UXS1: variants seen among roughly 807,000 people sequenced by gnomAD.
UXS1 encodes UDP-glucuronate decarboxylase 1, also known as UDP-glucuronic acid decarboxylase 1.
UXS1 carries 33 observed loss-of-function variants against 62.6 expected under a neutral mutation model. The ratio of observed to expected loss-of-function variants is 0.53; its 90% confidence interval spans 0.40 to 0.70. UXS1 has a LOEUF of 0.70. Ranked by LOEUF, UXS1 falls within the 30% of genes least tolerant of loss-of-function variation. UXS1 has a pLI of 0.00. For missense variants in UXS1, 434 were observed against 556.3 expected (o/e 0.78, Z 2.21); for synonymous variants, 213 against 206.8 (o/e 1.03, Z -0.26).
intron 1 of UXS1, among the ~76,000 whole-genome samples, chr2:106,188,034 G>A (rs575331769): frequency 2.8e-4 from 42 of 152,314 alleles, no homozygotes; most frequent in Non-Finnish European, 5.7e-4. Flanking sequence ...GAGCCACCGC[G>A]ACCAGCCTTA....
chr2:106,180,351 T>G (rs11681546), intron 1 of UXS1, among the ~76,000 whole-genome samples: 6,635 of 152,230 alleles, frequency 0.044, 172 homozygotes, highest in South Asian at 0.077. Flanking sequence ...CAGAAAGATA[T>G]GTAAAATATC....
At position 106,166,103 on chromosome 2, in the gene UXS1, G is replaced by C. The variant is rs756975028; in HGVS notation, c.95-20C>G. On this transcript the variant is annotated intron_variant, in intron 1 of 14. Transcript: ENST00000283148. The stretch of plus-strand genomic sequence containing the variant: ...AAACAGCTGTAAGAGAAAGAAAAAA[G>C]GAAGTCAATGTTTAAGTCCACAACT... The C allele has an allele frequency of 5.0e-6, 8 of 1,607,964 alleles. No individual in the cohort carries two copies. Among genetic ancestry groups the C allele is most frequent in the Non-Finnish European group, 6.8e-6 (8 of 1,177,518 alleles).
At chr2:106,096,631 T>C (rs1677133033) in intron 14 of UXS1, 87 bp downstream of exon 14, 2 of 1,278,086 alleles carry the variant, frequency 1.6e-6, no homozygotes, top group Non-Finnish European at 2.1e-6. Context: ...CCGGGGGCTG[T>C]CTGACAAGGG....
intron 5 of UXS1, among the ~76,000 whole-genome samples, chr2:106,146,718 T>C (rs1284111222): frequency 7.4e-6 from 1 of 135,110 alleles, no homozygotes; most frequent in Non-Finnish European, 1.5e-5. Flanking sequence ...AGGCGGAAGT[T>C]GCAGTGGATC....
chr2:106,165,038 C>T (rs987784991), intron 2 of UXS1, among the ~76,000 whole-genome samples: 27 of 152,172 alleles, frequency 1.8e-4, no homozygotes, highest in African/African-American at 6.5e-4. Context: ...TTCCACTAAA[C>T]TAAAATAATC....
intron 10 of UXS1, among the ~76,000 whole-genome samples, chr2:106,105,128 G>A (rs1677949906): frequency 6.6e-6 from 1 of 152,146 alleles, no homozygotes; most frequent in Admixed American, 6.5e-5. Flanking sequence ...GATGTGTCAG[G>A]CATCATGTGA....
intron 1 of UXS1, among the ~76,000 whole-genome samples, chr2:106,190,743 C>CAGA (rs376229533): frequency 8.0e-6 from 1 of 124,888 alleles, no homozygotes; most frequent in Non-Finnish European, 1.6e-5. Context: ...AACTCTGTAT[C>CAGA]AAAAAAAAAA....
intron 14 of UXS1, among the ~76,000 whole-genome samples, chr2:106,096,302 G>A (rs561789744): frequency 5.9e-5 from 9 of 152,084 alleles, no homozygotes; most frequent in African/African-American, 2.2e-4. Flanking sequence ...TAGTGTGAAT[G>A]TATATGTATG....
rs1409135510 is a variant in UXS1 at position 106,098,660 on chromosome 2, T to TA, written c.1042+55dup. On this transcript the variant is annotated intron_variant, in intron 13 of 14. Coordinates refer to ENST00000283148, the MANE Select transcript of UXS1 (RefSeq NM_001253875.2). ...ACCCACTTTCTAGTCAAGGTGTTAT[T>TA]AACAGATAGGGCAGGCACAGTCGAT... 1.5e-4 allele frequency: 219 copies of TA among 1,461,508 alleles called. No homozygotes were observed. In the African/African-American group the frequency reaches 2.8e-3, roughly 19 times the overall value. 90.5% of individuals were successfully genotyped at this position (1,461,508 alleles called of 1,614,324 possible).
intron 5 of UXS1, among the ~76,000 whole-genome samples, chr2:106,147,990 G>A (rs1681706904): frequency 6.6e-6 from 1 of 152,204 alleles, no homozygotes; most frequent in Admixed American, 6.5e-5. Flanking sequence ...ATGCTCGATA[G>A]CTTTCATTTG....
At chr2:106,094,934 C>T (rs1676953274) in intron 14 of UXS1, among the ~76,000 whole-genome samples, 1 of 152,208 alleles carries the variant, frequency 6.6e-6, no homozygotes. Flanking sequence ...GGGCAGTGTG[C>T]AGTTTGCCAA....
intron 1 of UXS1, among the ~76,000 whole-genome samples, chr2:106,185,983 G>A (rs1181958273): frequency 6.6e-6 from 1 of 152,168 alleles, no homozygotes; most frequent in Non-Finnish European, 1.5e-5. Context: ...ACCTAATTTG[G>A]AGTAATTTGT....
chr2:106,106,707 A>C (rs991091768), intron 10 of UXS1, among the ~76,000 whole-genome samples: 3 of 152,198 alleles, frequency 2.0e-5, no homozygotes, highest in African/African-American at 7.2e-5. Flanking sequence ...CCTGGCTGAT[A>C]CTTCTGATAC....
At chr2:106,106,218 G>C (rs767010853) in intron 10 of UXS1, among the ~76,000 whole-genome samples, 1 of 152,110 alleles carries the variant, frequency 6.6e-6, no homozygotes, top group Non-Finnish European at 1.5e-5. Context: ...TACAAAATTA[G>C]CTGGGTGTGG....
intron 9 of UXS1, among the ~76,000 whole-genome samples, chr2:106,113,460 C>T (rs980310901): frequency 2.0e-5 from 3 of 152,108 alleles, no homozygotes; most frequent in Non-Finnish European, 2.9e-5. Flanking sequence ...ATTTTTAATG[C>T]TTCTATTTTT....
At chr2:106,151,159 T>G (rs1357463664) in intron 5 of UXS1, among the ~76,000 whole-genome samples, 1 of 152,180 alleles carries the variant, frequency 6.6e-6, no homozygotes, top group Non-Finnish European at 1.5e-5. Context: ...GTGTCTTGAA[T>G]TTTTCCCAAA....
chr2:106,163,577 G>T, intron 4 of UXS1, 90 bp downstream of exon 4: 1 of 828,914 alleles, frequency 1.2e-6, no homozygotes, highest in Non-Finnish European at 1.7e-6. Flanking sequence ...TATTTAGGTT[G>T]GCAGAGTTTG....
Position 106,094,160 on chromosome 2 carries a change from G to GT in UXS1, c.1147-4dup. On this transcript the variant is annotated splice_region_variant and splice_polypyrimidine_tract_variant and intron_variant, in intron 14 of 14. Transcript: ENST00000283148. ...TTTAAACCTTCCTCCAGCGGGACCT[G>GT]TTTAAAGGGAAAGCAAGAAAGGGAG... The GT allele has an allele frequency of 6.2e-7, 1 of 1,608,732 alleles. No individual in the cohort carries two copies. The highest frequency in any genetic ancestry group is 2.2e-5 in the East Asian group (1 of 44,670).
At chr2:106,098,367 T>C (rs1486251147) in intron 13 of UXS1, among the ~76,000 whole-genome samples, 1 of 152,146 alleles carries the variant, frequency 6.6e-6, no homozygotes, top group Non-Finnish European at 1.5e-5. Flanking sequence ...GTGGTTGCTG[T>C]CTCTTGCTGT....
Sources: allele counts gnomAD v4.1 joint callset (sites outside exome capture counted in the v4.1 genomes callset), GRCh38; gene constraint gnomAD v4.1.1; transcripts MANE v1.5; gene names NCBI Gene and HGNC (gene_info 2026-07-23, HGNC 2026-07-21).